PSG5: variants seen among roughly 807,000 people sequenced by gnomAD.
PSG5 encodes pregnancy-specific beta-1-glycoprotein 5.
A neutral mutation model predicts 37.7 loss-of-function variants in PSG5; 53 were observed. The observed-to-expected ratio is 1.41, with a 90% CI of 1.13 to 1.77. The LOEUF (loss-of-function observed/expected upper bound fraction) is 1.77, where lower values mean the gene tolerates loss of function less well. Ranked by LOEUF, PSG5 falls within the 40% of genes most tolerant of loss-of-function variation. The probability of loss-of-function intolerance (pLI) is 0.00; values close to 1 mark genes in which losing one functional copy is unlikely to be tolerated. For synonymous variants in PSG5, 221 were observed against 155.4 expected (o/e 1.42, Z -3.14); for missense variants, 547 against 405.2 (o/e 1.35, Z -3.00).
intron 1 of PSG5, 120 bp downstream of exon 1, chr19:43,186,222 C>A: frequency 1.3e-6 from 2 of 1,522,404 alleles, no homozygotes. Flanking sequence ...ATAATCCACC[C>A]ACCTCATCCT....
rs550277914 is a variant in PSG5, at chr19:43,178,076, C to A, written c.431-1928G>T. ...ATCTAGAAAGAGTGAAGGGGAAAGG[C>A]AAAAGCTGGTGGTTTTGGAGCAGAA... On this transcript the variant is annotated intron_variant, in intron 2 of 5. Transcript: ENST00000342951. Among the ~76,000 whole-genome samples the A allele has an allele frequency of 2.6e-5, 4 of 151,602 alleles. No individual in the cohort carries two copies. In the South Asian group the frequency reaches 8.3e-4, roughly 31 times the overall value.
chr19:43,181,206 C>T (rs2122232390), intron 2 of PSG5, among the ~76,000 whole-genome samples: 1 of 151,732 alleles, frequency 6.6e-6, no homozygotes, highest in South Asian at 2.1e-4. Context: ...TCCCCAAAAC[C>T]ACCAATATTC....
At chr19:43,183,983 G>T (rs1427083488) in intron 2 of PSG5, among the ~76,000 whole-genome samples, 2 of 151,688 alleles carry the variant, frequency 1.3e-5, no homozygotes, top group African/African-American at 2.4e-5. Context: ...CACAGTGGAG[G>T]TTTCACACAA....
intron 4 of PSG5, chr19:43,170,493 G>A (rs1207359487): frequency 2.2e-6 from 1 of 453,110 alleles, no homozygotes; most frequent in South Asian, 1.8e-5. Context: ...TGGCAGCCAT[G>A]AATGAGACTC....
Position 43,185,261 on chromosome 19 carries a change from C to T in PSG5, c.65-114G>A, listed in dbSNP as rs1464677585. ...ATCCTCAGCCTTGAAGACACACACA[C>T]ACACAAACACACACACACACAAAAG... On this transcript the variant is annotated intron_variant, in intron 1 of 5. Coordinates refer to ENST00000342951, the MANE Select transcript of PSG5 (RefSeq NM_002781.4). 5.4e-6 allele frequency: 7 copies of T among 1,286,682 alleles called. 1 individual carries two copies. Among genetic ancestry groups the T allele is most frequent in the Non-Finnish European group, 7.6e-6 (7 of 926,502 alleles). 79.7% of individuals were successfully genotyped at this position (1,286,682 alleles called of 1,614,324 possible). A position where few individuals can be genotyped will look rare whatever the true frequency, so the allele number is the denominator to read the frequency against.
At chr19:43,172,302 C>G (rs1968923572) in intron 4 of PSG5, among the ~76,000 whole-genome samples, 1 of 151,530 alleles carries the variant, frequency 6.6e-6, no homozygotes, top group South Asian at 2.1e-4. Flanking sequence ...CGGAGAAAGA[C>G]TGAAAGCTTT....
At chr19:43,185,442 CACA>C (rs1966914509) in intron 1 of PSG5, among the ~76,000 whole-genome samples, 3 of 140,782 alleles carry the variant, frequency 2.1e-5, no homozygotes, top group Non-Finnish European at 4.7e-5. Context: ...CCCCCCCCCC[CACA>C]CTGCCCTCAG....
rs201069515 is a variant in PSG5 at position 43,186,370 on chromosome 19, G to C, written c.36C>G (p.His12Gln). 3 of 1,612,360 alleles carry C rather than the reference G, an allele frequency of 1.9e-6. No homozygotes were observed. Among genetic ancestry groups the C allele is most frequent in the Non-Finnish European group, 2.5e-6 (3 of 1,178,966 alleles). ...GPLSAPPCTQHITWKGLLLTA... is the reference protein window; with the variant it reads ...GPLSAPPCTQQITWKGLLLTA... ...TGAGCAGGAGCCCCTTCCAGGTGAT[G>C]TGCTGTGTGCAGGGAGGGGCTGAGA... Residue 12 changes from histidine (H) to glutamine (Q), a missense_variant, in exon 1 of 6, where the codon CAC (histidine) becomes CAG (glutamine). Transcript: ENST00000342951.
In PSG5 at chr19:43,175,258, A is replaced by G. The variant is rs1058467; in HGVS notation, c.921T>C (p.Ala307=). ...TGGATTTGGAGCTTTCCTTGCCAGT[A>G]GCTGAGTTACGAACAGAGCAAGTAT... is the stretch of plus-strand genomic sequence containing the variant. ...GLYTCSVRNS[A]TGKESSKSMT... The change falls in exon 4 of 6, where the codon GCT becomes GCC. Residue 307 remains alanine, a synonymous_variant. Coordinates refer to ENST00000342951, the MANE Select transcript of PSG5 (RefSeq NM_002781.4). The G allele has an allele frequency of 0.63, 1,019,923 of 1,611,760 alleles. 333,189 individuals carry two copies. The highest frequency in any genetic ancestry group is 0.99 in the East Asian group (44,404 of 44,858).
intron 4 of PSG5, among the ~76,000 whole-genome samples, chr19:43,171,786 G>A (rs1016543652): frequency 3.3e-5 from 5 of 151,288 alleles, no homozygotes; most frequent in African/African-American, 9.8e-5. Flanking sequence ...TGGGTAACCT[G>A]GGGAGATGCT....
intron 4 of PSG5, chr19:43,171,517 G>A (rs1024598358): frequency 3.1e-5 from 9 of 289,168 alleles, no homozygotes; most frequent in Non-Finnish European, 5.9e-5. Context: ...GAAATAATAA[G>A]GATTAGAGTG....
intron 2 of PSG5, among the ~76,000 whole-genome samples, chr19:43,178,429 T>C (rs1479345940): frequency 6.6e-6 from 1 of 151,780 alleles, no homozygotes; most frequent in African/African-American, 2.4e-5. Flanking sequence ...GGACTTCCCC[T>C]GTATGGTAAT....
chr19:43,182,777 C>A (rs1040297712), intron 2 of PSG5, among the ~76,000 whole-genome samples: 1 of 140,792 alleles, frequency 7.1e-6, no homozygotes, highest in Non-Finnish European at 1.5e-5. Flanking sequence ...GGAGGAACTG[C>A]CTATCCCTGT....
intron 2 of PSG5, among the ~76,000 whole-genome samples, chr19:43,178,573 C>T (rs1272708043): frequency 6.6e-6 from 1 of 151,572 alleles, no homozygotes; most frequent in Non-Finnish European, 1.5e-5. Flanking sequence ...TGAGCCAAGT[C>T]GCAACACTGA....
chr19:43,175,593 AC>A (rs1418566212), intron 3 of PSG5, 124 bp from the exon 4 acceptor site: 17 of 1,455,356 alleles, frequency 1.2e-5, no homozygotes, highest in Non-Finnish European at 1.6e-5. Context: ...CCGAACCCCC[AC>A]TATATTCACT....
intron 2 of PSG5, chr19:43,179,144 C>G: frequency 6.3e-7 from 1 of 1,594,802 alleles, no homozygotes; most frequent in South Asian, 1.1e-5. Context: ...AGATGGAGGG[C>G]TTGGGAGTTT....
chr19:43,184,080 C>T (rs1022101309), intron 2 of PSG5, among the ~76,000 whole-genome samples: 3 of 151,668 alleles, frequency 2.0e-5, no homozygotes, highest in African/African-American at 4.9e-5. Flanking sequence ...ACATCTTCTC[C>T]CTTCTGTTTA....
intron 1 of PSG5, among the ~76,000 whole-genome samples, 198 bp from the exon 2 acceptor site, chr19:43,185,345 G>T (rs546804287): frequency 2.0e-5 from 3 of 151,042 alleles, no homozygotes; most frequent in Non-Finnish European, 4.4e-5. Context: ...CTAGGTCAAG[G>T]TCAGCAGCGT....
In PSG5 at chr19:43,174,385, A is replaced by G. The variant is rs150154016; in HGVS notation, c.964+830T>C. The G allele has an allele frequency of 1.4e-3, 1,135 of 820,952 alleles. 24 individuals are homozygous for G. The African/African-American group carries it at 0.02, about 15-fold the overall frequency. The allele number at this position is 820,952 out of a possible 1,614,324, so 50.9% of individuals were successfully genotyped here. A position where few individuals can be genotyped will look rare whatever the true frequency, so the allele number is the denominator to read the frequency against. On this transcript the variant is annotated intron_variant, in intron 4 of 5. Transcript: ENST00000342951. ...AGTGTCTGGTAGTCTTACCCTCTCT[A>G]TAATTACACACTTTTTGGCACTGCC... is the stretch of plus-strand genomic sequence containing the variant.
Sources: gnomAD v4.1 joint callset for allele counts (sites outside exome capture counted in the v4.1 genomes callset) on GRCh38, gnomAD v4.1.1 for gene constraint, MANE v1.5 for transcripts, NCBI Gene and HGNC (gene_info 2026-07-23, HGNC 2026-07-21) for gene names.